The following OR6Y1 variants were observed in gnomAD, a reference collection of about 807,000 sequenced individuals.
OR6Y1 encodes olfactory receptor family 6 subfamily Y member 1.
OR6Y1 carries 1 observed loss-of-function variant against 0.4 expected under a neutral mutation model. That is an observed-to-expected ratio of 2.74 (90% CI 0.97 to 13.02). The LOEUF (loss-of-function observed/expected upper bound fraction) is 13.02, where lower values mean the gene tolerates loss of function less well. Ranked by LOEUF, OR6Y1 falls within the 30% of genes most tolerant of loss-of-function variation. The pLI is 0.12. For missense variants in OR6Y1, 480 were observed against 399.8 expected (o/e 1.20, Z -1.71); for synonymous variants, 173 against 141.1 (o/e 1.23, Z -1.60).
rs762966247 is a variant in OR6Y1, at chr1:158,547,301, G to A, written c.805C>T (p.Leu269Phe). 2 of 1,613,622 alleles carry A rather than the reference G, an allele frequency of 1.2e-6. No homozygotes were observed. The highest frequency in any genetic ancestry group is 3.3e-5 in the Admixed American group (2 of 60,004). Residue 269 changes from leucine to phenylalanine, a missense_variant, in exon 2 of 2, where the codon CTC becomes TTC. Coordinates refer to ENST00000641622, the MANE Select transcript of OR6Y1 (RefSeq NM_001005189.2). ...MTLFTYARPKLMYAYNSNKVV... is the reference protein window; with the variant it reads ...MTLFTYARPKFMYAYNSNKVV... ...TTGTTGGAATTGTAGGCATACATGA[G>A]TTTGGGACGGGCATAGGTGAAAAGT...
In OR6Y1 at chr1:158,545,465, C is replaced by T. The variant is rs1647497052; in HGVS notation, c.*1663G>A. ...CACGTTGTGCACATGTACCCTAAAA[C>T]TTAAAGTATAATAATAATAAAATAA... On this transcript the variant is annotated 3_prime_UTR_variant, in exon 2 of 2. Transcript: ENST00000641622. 1 of 145,188 alleles carries T rather than the reference C, an allele frequency of 6.9e-6. No homozygotes were observed. Among genetic ancestry groups the T allele is most frequent in the South Asian group, 2.2e-4 (1 of 4,520 alleles). 9.0% of individuals were successfully genotyped at this position (145,188 alleles called of 1,614,324 possible).
chr1:158,544,877 T>C lies in OR6Y1; in HGVS notation c.*2251A>G, dbSNP rs879914192. The C allele has an allele frequency of 2.6e-5, 4 of 152,232 alleles. No individual in the cohort carries two copies. Among genetic ancestry groups the C allele is most frequent in the Admixed American group, 2.6e-4 (4 of 15,286 alleles). 9.4% of individuals were successfully genotyped at this position (152,232 alleles called of 1,614,324 possible). On this transcript the variant is annotated 3_prime_UTR_variant, in exon 2 of 2. Coordinates refer to ENST00000641622, the MANE Select transcript of OR6Y1 (RefSeq NM_001005189.2). ...GAAAGGACATGATCTAATTTTTTTT[T>C]ATGGCTGCATAGTATTTCATGTTGT...
chr1:158,547,350 G>T lies in OR6Y1; in HGVS notation c.756C>A (p.Val252=), dbSNP rs114824139. Residue 252 remains valine, a synonymous_variant, in exon 2 of 2, where the codon GTC becomes GTA. Coordinates refer to ENST00000641622, the MANE Select transcript of OR6Y1 (RefSeq NM_001005189.2). ...GTGTCATGGAATAGAAGAGAATTAC[G>T]ACGGTCAGGTGGGAGGCACAGGTGG... is the stretch of plus-strand genomic sequence containing the variant. The part of the protein sequence containing the change: ...AFSTCASHLT[V]VILFYSMTLF... 1.2e-6 allele frequency: 2 copies of T among 1,613,506 alleles called. No individual in the cohort carries two copies. Among genetic ancestry groups the T allele is most frequent in the South Asian group, 1.1e-5 (1 of 91,082 alleles).
Position 158,547,648 on chromosome 1 carries a change from C to T in OR6Y1, c.458G>A (p.Cys153Tyr). ...NQLCGTLAGGCWFCGLMTAMI... is the reference protein window; with the variant it reads ...NQLCGTLAGGYWFCGLMTAMI... ...GGCAGTCATGAGTCCACAGAACCAG[C>T]ATCCTCCAGCCAGTGTGCCACAGAG... The change falls in exon 2 of 2, where the codon TGC becomes TAC. Residue 153 changes from cysteine to tyrosine, a missense_variant. Transcript: ENST00000641622. The T allele has an allele frequency of 1.2e-6, 2 of 1,613,452 alleles. No individual in the cohort carries two copies. The highest frequency in any genetic ancestry group is 1.7e-6 in the Non-Finnish European group (2 of 1,179,992).
At chr1:158,551,121 CT>C (rs10714040) in intron 1 of OR6Y1, among the ~76,000 whole-genome samples, 88,937 of 148,310 alleles carry the variant, frequency 0.6, 26,956 homozygotes, top group African/African-American at 0.69. Flanking sequence ...TTGGGTGAGG[CT>C]TTTTTTTTTT....
Position 158,547,879 on chromosome 1 carries a change from A to G in OR6Y1, c.227T>C (p.Met76Thr). 1.2e-6 allele frequency: 2 copies of G among 1,613,436 alleles called. No homozygotes were observed. Among genetic ancestry groups the G allele is most frequent in the African/African-American group, 1.3e-5 (1 of 74,510 alleles). The part of the protein sequence containing the change: ...FFLSHLSFLE[M>T]WYVTVISPKM... ...GGGGCTGATGACTGTGACATACCAC[A>G]TCTCCAGGAAGGAGAGGTGGCTCAA... is the stretch of plus-strand genomic sequence containing the variant. Residue 76 changes from methionine to threonine, a missense_variant, in exon 2 of 2, where the codon ATG (methionine) becomes ACG (threonine). Transcript: ENST00000641622.
Position 158,547,890 on chromosome 1 carries a change from G to A in OR6Y1, c.216C>T (p.Ser72=), listed in dbSNP as rs776558427. 2.5e-6 allele frequency: 4 copies of A among 1,613,506 alleles called. No individual in the cohort carries two copies. The highest frequency in any genetic ancestry group is 1.7e-6 in the Non-Finnish European group (2 of 1,180,014). ...CTGTGACATACCACATCTCCAGGAA[G>A]GAGAGGTGGCTCAAGAAGAAGTACA... ...KPMYFFLSHL[S]FLEMWYVTVI... Residue 72 remains serine, a synonymous_variant, in exon 2 of 2, where the codon TCC becomes TCT. Coordinates refer to ENST00000641622, the MANE Select transcript of OR6Y1 (RefSeq NM_001005189.2).
intron 1 of OR6Y1, among the ~76,000 whole-genome samples, chr1:158,549,984 C>T (rs1263883498): frequency 6.6e-6 from 1 of 151,758 alleles, no homozygotes; most frequent in Non-Finnish European, 1.5e-5. Context: ...GGTAGTATTA[C>T]TGTTTGGGAG....
rs1571327658 is a variant in OR6Y1 at position 158,544,998 on chromosome 1, C to T, written c.*2130G>A. 4.6e-5 allele frequency: 7 copies of T among 152,110 alleles called. No homozygotes were observed. The highest frequency in any genetic ancestry group is 4.2e-4 in the South Asian group (2 of 4,818). 9.4% of individuals were successfully genotyped at this position (152,110 alleles called of 1,614,324 possible). ...TGTAAATAGTGCTGCAATAAACATA[C>T]ATGTGCATGTGTCTTTATAGTAGAA... is the stretch of plus-strand genomic sequence containing the variant. On this transcript the variant is annotated 3_prime_UTR_variant, in exon 2 of 2. Transcript: ENST00000641622.
rs1271973295 is a variant in OR6Y1 at position 158,547,555 on chromosome 1, C to T, written c.551G>A (p.Cys184Tyr). The stretch of plus-strand genomic sequence containing the variant: ...GACGTTAAGGAGTGGAGAGATATCA[C>T]AAAAGTAGTGATTGATCTGAGGCAT... ...CGMPQINHYF[C>Y]DISPLLNVSC... Residue 184 changes from cysteine to tyrosine, a missense_variant, in exon 2 of 2, where the codon TGT (cysteine) becomes TAT (tyrosine). Transcript: ENST00000641622. 1 of 1,613,244 alleles carries T rather than the reference C, an allele frequency of 6.2e-7. No individual in the cohort carries two copies. The highest frequency in any genetic ancestry group is 1.3e-5 in the African/African-American group (1 of 74,492).
Position 158,547,891 on chromosome 1 carries a change from G to A in OR6Y1, c.215C>T (p.Ser72Phe), listed in dbSNP as rs1352338188. ...TGTGACATACCACATCTCCAGGAAGGAGAGGTGGCTCAAGAAGAAGTACAT... is the reference window on the plus strand; with the variant it reads ...TGTGACATACCACATCTCCAGGAAGAAGAGGTGGCTCAAGAAGAAGTACAT... ...KPMYFFLSHL[S>F]FLEMWYVTVI... Residue 72 changes from serine (S) to phenylalanine (F), a missense_variant, in exon 2 of 2, where the codon TCC becomes TTC. Coordinates refer to ENST00000641622, the MANE Select transcript of OR6Y1 (RefSeq NM_001005189.2). The A allele has an allele frequency of 1.2e-6, 2 of 1,613,366 alleles. No individual in the cohort carries two copies. The highest frequency in any genetic ancestry group is 1.7e-6 in the Non-Finnish European group (2 of 1,180,010).
intron 1 of OR6Y1, among the ~76,000 whole-genome samples, chr1:158,550,177 G>A (rs1240336985): frequency 6.6e-6 from 1 of 151,076 alleles, no homozygotes; most frequent in African/African-American, 2.5e-5. Flanking sequence ...AAAAAGCATG[G>A]TTAGAATAAT....
At chr1:158,552,862 C>T (rs1490625044) in intron 1 of OR6Y1, among the ~76,000 whole-genome samples, 1 of 152,132 alleles carries the variant, frequency 6.6e-6, no homozygotes, top group Non-Finnish European at 1.5e-5. Flanking sequence ...GGTAGGAACA[C>T]ATTCTTACTC....
chr1:158,552,581 A>C (rs1239730079), intron 1 of OR6Y1, among the ~76,000 whole-genome samples: 1 of 152,110 alleles, frequency 6.6e-6, no homozygotes, highest in Non-Finnish European at 1.5e-5. Context: ...AAAATGAGGT[A>C]TAGGGAAGAA....
Position 158,547,773 on chromosome 1 carries a change from G to T in OR6Y1, c.333C>A (p.Thr111=). The change falls in exon 2 of 2, where the codon ACC becomes ACA. Residue 111 remains threonine, a synonymous_variant. Transcript: ENST00000641622. ...GCMTQLYFFV[T]FVCTEYILLA... is the part of the protein sequence containing the mutation. ...GAAGGATGTACTCAGTGCAGACAAA[G>T]GTCACAAAAAAGTAAAGTTGAGTCA... is the stretch of plus-strand genomic sequence containing the variant. 1 of 1,613,368 alleles carries T rather than the reference G, an allele frequency of 6.2e-7. No homozygotes were observed. The highest frequency in any genetic ancestry group is 8.5e-7 in the Non-Finnish European group (1 of 1,179,952).
Position 158,547,575 on chromosome 1 carries a change from A to C in OR6Y1, c.531T>G (p.Pro177=). The stretch of plus-strand genomic sequence containing the variant: ...TATCACAAAAGTAGTGATTGATCTG[A>C]GGCATGCCACAGTAGTGAAGTTGTG... ...FIAQLHYCGM[P]QINHYFCDIS... is the part of the protein sequence containing the mutation. The change falls in exon 2 of 2, where the codon CCT becomes CCG. Residue 177 remains proline, a synonymous_variant. Transcript: ENST00000641622. 6.2e-7 allele frequency: 1 copy of C among 1,613,266 alleles called. No individual in the cohort carries two copies. The highest frequency in any genetic ancestry group is 8.5e-7 in the Non-Finnish European group (1 of 1,179,878).
chr1:158,550,227 T>G (rs1003061531), intron 1 of OR6Y1, among the ~76,000 whole-genome samples: 1 of 38,004 alleles, frequency 2.6e-5, no homozygotes, highest in Non-Finnish European at 5.0e-5. Flanking sequence ...TCCTTTGCAA[T>G]AGATATTGTC....
intron 1 of OR6Y1, among the ~76,000 whole-genome samples, chr1:158,550,926 T>A (rs1486010176): frequency 6.6e-6 from 1 of 151,912 alleles, no homozygotes; most frequent in Admixed American, 6.6e-5. Context: ...CATCATTCTA[T>A]CTGATGTTCA....
At position 158,547,667 on chromosome 1, in the gene OR6Y1, C is replaced by T. The variant is rs770207550; in HGVS notation, c.439G>A (p.Gly147Ser). The change falls in exon 2 of 2, where the codon GGC becomes AGC. Residue 147 changes from glycine (G) to serine (S), a missense_variant. Physicochemically the swap from Gly to Ser is moderately conservative, Grantham distance 56. Coordinates refer to ENST00000641622, the MANE Select transcript of OR6Y1 (RefSeq NM_001005189.2). ...AACCAGCATCCTCCAGCCAGTGTGCCACAGAGCTGGTTGGTCATGATGACT... is the reference window on the plus strand; with the variant it reads ...AACCAGCATCCTCCAGCCAGTGTGCTACAGAGCTGGTTGGTCATGATGACT... The part of the protein sequence containing the change: ...YPVIMTNQLC[G>S]TLAGGCWFCG... 3 of 1,613,486 alleles carry T rather than the reference C, an allele frequency of 1.9e-6. No homozygotes were observed. The Admixed American group carries it at 5.0e-5, about 27-fold the overall frequency.
Sources: allele counts gnomAD v4.1 joint callset (sites outside exome capture counted in the v4.1 genomes callset), GRCh38; gene constraint gnomAD v4.1.1; transcripts MANE v1.5; gene names NCBI Gene and HGNC (gene_info 2026-07-23, HGNC 2026-07-21).